RNLS: variants seen among roughly 807,000 people sequenced by gnomAD.
The protein encoded by RNLS is renalase, FAD dependent amine oxidase.
RNLS carries 39 observed loss-of-function variants against 39.8 expected under a neutral mutation model. The observed-to-expected ratio is 0.98, with a 90% confidence interval of 0.76 to 1.28. RNLS has a LOEUF of 1.28. Ranked by LOEUF, RNLS falls within the 50% of genes most tolerant of loss-of-function variation. The pLI is 0.00. For missense variants in RNLS, 410 were observed against 413.3 expected (o/e 0.99, Z 0.07); for synonymous variants, 147 against 150.7 (o/e 0.98, Z 0.18).
Position 88,285,381 on chromosome 10 carries a change from A to G in RNLS, c.1002T>C (p.Val334=). The stretch of plus-strand genomic sequence containing the variant: ...AAATATAATTCTTTAAAGCTTCCAG[A>G]ACACATAGGGCAGAAGTGATGCAGC... ...FDGCITSALC[V]LEALKNYI is the part of the protein sequence containing the mutation. The change falls in exon 7 of 7, where the codon GTT becomes GTC. Residue 334 remains valine (V), a synonymous_variant. Coordinates refer to ENST00000331772, the MANE Select transcript of RNLS (RefSeq NM_001031709.3). The G allele has an allele frequency of 6.2e-7, 1 of 1,612,550 alleles. No individual in the cohort carries two copies. The highest frequency in any genetic ancestry group is 8.5e-7 in the Non-Finnish European group (1 of 1,178,988).
At chr10:88,354,648 T>A (rs1032376860) in intron 5 of RNLS, among the ~76,000 whole-genome samples, 2 of 152,178 alleles carry the variant, frequency 1.3e-5, no homozygotes, top group African/African-American at 4.8e-5. Context: ...GCCCTTAACA[T>A]TTTTTCCTTC....
Position 88,491,539 on chromosome 10 carries a change from A to C in RNLS, c.526+81364T>G, listed in dbSNP as rs538877930. Among the ~76,000 whole-genome samples, 41 of 152,334 alleles carry C rather than the reference A, an allele frequency of 2.7e-4. No homozygotes were observed. In the Middle Eastern group the frequency reaches 0.01, roughly 38 times the overall value. On this transcript the variant is annotated intron_variant, in intron 4 of 6. Coordinates refer to ENST00000331772, the MANE Select transcript of RNLS (RefSeq NM_001031709.3). ...TGCCACAAAAACTCCTTCAGAATGCAGAAGTGAGGCAGAAGTTTCCATTGT... is the reference window on the plus strand; with the variant it reads ...TGCCACAAAAACTCCTTCAGAATGCCGAAGTGAGGCAGAAGTTTCCATTGT...
chr10:88,322,937 T>C (rs968237997), intron 5 of RNLS, among the ~76,000 whole-genome samples: 5 of 152,166 alleles, frequency 3.3e-5, no homozygotes, highest in Admixed American at 2.6e-4. Context: ...CAGTACAGTT[T>C]CAGGATACAA....
In RNLS at chr10:88,334,001, CCTGT is replaced by C. The variant is rs1281685069; in HGVS notation, c.701-19364_701-19361del. 5.3e-5 allele frequency among the ~76,000 whole-genome samples: 8 copies of C among 152,252 alleles called. No homozygotes were observed. The East Asian group carries it at 1.5e-3, about 29-fold the overall frequency. ...TAAATTTATACTGCTTAGAAACTAC[CCTGT>C]CTAAGGTATTTTGTTATAGGAGCAC... is the stretch of plus-strand genomic sequence containing the variant. On this transcript the variant is annotated intron_variant, in intron 5 of 6. Transcript: ENST00000331772.
chr10:88,371,553 T>C (rs375644848), intron 4 of RNLS, among the ~76,000 whole-genome samples: 75 of 152,340 alleles, frequency 4.9e-4, no homozygotes, highest in African/African-American at 1.7e-3. Flanking sequence ...GTTATCTTTC[T>C]ACTTTAGAAG....
chr10:88,250,336 C>T, the RNLS span, among the ~76,000 whole-genome samples: 2 of 152,222 alleles, frequency 1.3e-5, no homozygotes, highest in African/African-American at 4.8e-5. Context: ...TTGCACTTAA[C>T]ACCCTGAGAA....
At chr10:88,405,170 T>C (rs945770219) in intron 4 of RNLS, among the ~76,000 whole-genome samples, 2 of 152,080 alleles carry the variant, frequency 1.3e-5, no homozygotes, top group African/African-American at 4.8e-5. Flanking sequence ...ATGTTGCATA[T>C]CTAGTGATTT....
chr10:88,374,051 T>G (rs979779821), intron 4 of RNLS, among the ~76,000 whole-genome samples: 5 of 152,020 alleles, frequency 3.3e-5, no homozygotes, highest in African/African-American at 1.2e-4. Context: ...ATTAGAAATT[T>G]TATATATTAA....
chr10:88,310,622 G>C (rs1345198618), intron 6 of RNLS, among the ~76,000 whole-genome samples: 1 of 151,352 alleles, frequency 6.6e-6, no homozygotes, highest in African/African-American at 2.4e-5. Context: ...AAGACCCCGT[G>C]ACTACAAACA....
rs79815662 is a variant in RNLS, at chr10:88,364,118, T to C, written c.527-1393A>G. Among the ~76,000 whole-genome samples, 304 of 152,290 alleles carry C rather than the reference T, an allele frequency of 2.0e-3. 5 individuals carry two copies. In the East Asian group the frequency reaches 0.049, roughly 24 times the overall value. ...GGTCTCAGGGAGCTGCTTGTTTATG[T>C]ATGTACAACATTAATAGTTTGGGTT... On this transcript the variant is annotated intron_variant, in intron 4 of 6. Coordinates refer to ENST00000331772, the MANE Select transcript of RNLS (RefSeq NM_001031709.3).
intron 4 of RNLS, among the ~76,000 whole-genome samples, chr10:88,449,139 A>G (rs1378143114): frequency 1.3e-5 from 2 of 152,234 alleles, no homozygotes; most frequent in African/African-American, 2.4e-5. Flanking sequence ...CCTAGAACTT[A>G]AAGTATAATA....
the RNLS span, among the ~76,000 whole-genome samples, chr10:88,235,798 T>C: frequency 4.6e-5 from 7 of 151,910 alleles, no homozygotes; most frequent in South Asian, 1.2e-3. Context: ...CAGAGAGAGA[T>C]AGAGAGGTTT....
intron 4 of RNLS, among the ~76,000 whole-genome samples, chr10:88,384,368 T>TATAG (rs1851736963): frequency 6.6e-6 from 1 of 152,332 alleles, no homozygotes; most frequent in South Asian, 2.1e-4. Context: ...TTAACAATGA[T>TATAG]ATAGATAGTA....
At chr10:88,551,367 G>A (rs1315827823) in intron 4 of RNLS, among the ~76,000 whole-genome samples, 1 of 152,140 alleles carries the variant, frequency 6.6e-6, no homozygotes, top group Non-Finnish European at 1.5e-5. Context: ...AAAGAATTCT[G>A]CTTTCAGCTG....
At chr10:88,527,041 T>C (rs961900958) in intron 4 of RNLS, among the ~76,000 whole-genome samples, 2 of 152,030 alleles carry the variant, frequency 1.3e-5, no homozygotes, top group Admixed American at 6.6e-5. Flanking sequence ...TCCTTTACAA[T>C]CAGAAGACTT....
chr10:88,363,655 C>T (rs1479845342), intron 4 of RNLS, among the ~76,000 whole-genome samples: 1 of 152,078 alleles, frequency 6.6e-6, no homozygotes, highest in Non-Finnish European at 1.5e-5. Flanking sequence ...AAGGCAAACA[C>T]AGACATGCAA....
In RNLS at chr10:88,581,337, T is replaced by G. The variant is rs534768120; in HGVS notation, c.367+230A>C. Among the ~76,000 whole-genome samples, 11 of 148,282 alleles carry G rather than the reference T, an allele frequency of 7.4e-5. No individual in the cohort carries two copies. In the South Asian group the frequency reaches 2.3e-3, roughly 31 times the overall value. ...ATATACATCTATAATATCTATATTA[T>G]AGATAAATAGAGACAGCCATGTAGC... is the stretch of plus-strand genomic sequence containing the variant. On this transcript the variant is annotated intron_variant, in intron 3 of 6. Transcript: ENST00000331772.
intron 4 of RNLS, among the ~76,000 whole-genome samples, chr10:88,505,985 C>T (rs1015648794): frequency 1.3e-5 from 2 of 152,110 alleles, no homozygotes; most frequent in Non-Finnish European, 2.9e-5. Flanking sequence ...ATTCAAATGA[C>T]TGGGCTCCAA....
intron 4 of RNLS, among the ~76,000 whole-genome samples, chr10:88,509,974 C>T (rs1372879556): frequency 6.6e-6 from 1 of 152,120 alleles, no homozygotes; most frequent in Non-Finnish European, 1.5e-5. Context: ...TTCATAGTCT[C>T]CTTTGTGGCT....
Sources: gnomAD v4.1 joint callset for allele counts (sites outside exome capture counted in the v4.1 genomes callset) on GRCh38, gnomAD v4.1.1 for gene constraint, MANE v1.5 for transcripts, NCBI Gene and HGNC (gene_info 2026-07-23, HGNC 2026-07-21) for gene names.